Variants in CDH2 observed in about 807,000 individuals in gnomAD.
CDH2 encodes the protein cadherin-2.
Under a neutral mutation model 92.0 loss-of-function variants are expected in CDH2, and 17 were observed. That is an observed-to-expected ratio of 0.18 (90% CI 0.13 to 0.28). The LOEUF (loss-of-function observed/expected upper bound fraction) is 0.28, where lower values mean the gene tolerates loss of function less well. Ranked by LOEUF, CDH2 falls within the 10% of genes least tolerant of loss-of-function variation. CDH2 has a pLI of 1.00. For missense variants in CDH2, 862 were observed against 1,133.1 expected (o/e 0.76, Z 3.44); for synonymous variants, 419 against 415.9 (o/e 1.01, Z -0.09).
At chr18:28,067,327 C>T (rs977264065) in intron 2 of CDH2, among the ~76,000 whole-genome samples, 16 of 151,968 alleles carry the variant, frequency 1.1e-4, no homozygotes, top group African/African-American at 2.7e-4. Flanking sequence ...TTTCTTTGCC[C>T]GAAAAGAAAC....
Position 28,130,713 on chromosome 18 carries a change from G to A in CDH2, c.172+16960C>T, listed in dbSNP as rs181099987. On this transcript the variant is annotated intron_variant, in intron 2 of 15. Coordinates refer to ENST00000269141, the MANE Select transcript of CDH2 (RefSeq NM_001792.5). ...GGCTCTGTCCCCAGTGACTGAAGTT[G>A]AAAATTCTGTTACCTCCTTAGGGGC... is the stretch of plus-strand genomic sequence containing the variant. Among the ~76,000 whole-genome samples, 766 of 152,322 alleles carry A rather than the reference G, an allele frequency of 5.0e-3. 12 individuals carry two copies. Among genetic ancestry groups the A allele is most frequent in the African/African-American group, 0.017 (694 of 41,570 alleles).
At chr18:28,152,933 G>C (rs975417257) in intron 1 of CDH2, among the ~76,000 whole-genome samples, 5 of 152,170 alleles carry the variant, frequency 3.3e-5, no homozygotes, top group African/African-American at 1.2e-4. Context: ...GGACTCACTG[G>C]GGGAGGGAGG....
chr18:28,156,488 A>ATGTCACCTTCCCAGGTACAGC (rs1568020468), intron 1 of CDH2, among the ~76,000 whole-genome samples: 45 of 63,232 alleles, frequency 7.1e-4, no homozygotes, highest in Admixed American at 1.0e-3. Flanking sequence ...CCAGGTACAG[A>ATGTCACCTTCCCAGGTACAGC]ATGTCACCTT....
intron 2 of CDH2, among the ~76,000 whole-genome samples, chr18:28,034,398 C>T (rs547587699): frequency 6.6e-6 from 1 of 151,992 alleles, no homozygotes; most frequent in African/African-American, 2.4e-5. Context: ...AAAGCAAAGG[C>T]GAAAACCTAC....
chr18:28,173,930 G>T (rs1285093529), intron 1 of CDH2, among the ~76,000 whole-genome samples: 2 of 152,090 alleles, frequency 1.3e-5, no homozygotes, highest in Non-Finnish European at 2.9e-5. Flanking sequence ...CAGGTAAGCT[G>T]AATGCTCAAA....
At chr18:27,998,249 A>T (rs1267322391) in intron 7 of CDH2, among the ~76,000 whole-genome samples, 1 of 152,220 alleles carries the variant, frequency 6.6e-6, no homozygotes, top group East Asian at 1.9e-4. Context: ...TGATTTAAAA[A>T]CAAAAAACAA....
At chr18:28,124,002 AAGTG>A (rs1229339456) in intron 2 of CDH2, among the ~76,000 whole-genome samples, 1 of 152,208 alleles carries the variant, frequency 6.6e-6, no homozygotes, top group Non-Finnish European at 1.5e-5. Flanking sequence ...ATGTAGTAAC[AAGTG>A]AAAGGTAAAA....
chr18:28,095,876 T>C (rs1265292766), intron 2 of CDH2, among the ~76,000 whole-genome samples: 1 of 141,998 alleles, frequency 7.0e-6, no homozygotes, highest in African/African-American at 2.6e-5. Flanking sequence ...TCAATGGAAA[T>C]GGAGAATACA....
intron 2 of CDH2, among the ~76,000 whole-genome samples, chr18:28,020,402 T>A (rs2013377009): frequency 6.6e-6 from 1 of 151,978 alleles, no homozygotes; most frequent in African/African-American, 2.4e-5. Flanking sequence ...AGGGAGAAGA[T>A]ATACATGGGA....
chr18:28,088,639 CACCTCCCAAAGGAGGTGG>C (rs1219222058), intron 2 of CDH2, among the ~76,000 whole-genome samples: 4 of 152,228 alleles, frequency 2.6e-5, no homozygotes, highest in Non-Finnish European at 2.9e-5. Flanking sequence ...GTGAGCTAGG[CACCTCCCAAAGGAGGTGG>C]ACAGAGGAAG....
intron 2 of CDH2, chr18:28,036,323 A>G: frequency 1.6e-6 from 1 of 621,306 alleles, no homozygotes; most frequent in Non-Finnish European, 2.8e-6. Flanking sequence ...GTTTGATTTT[A>G]GGTTAACAGA....
At chr18:27,936,981 A>G (rs1909034716) in intron 6 of CDH2, among the ~76,000 whole-genome samples, 2 of 152,224 alleles carry the variant, frequency 1.3e-5, no homozygotes, top group Non-Finnish European at 2.9e-5. Flanking sequence ...AGTAATGCCA[A>G]CTGAATGTGC....
At chr18:28,026,991 C>T (rs1209002949) in intron 2 of CDH2, among the ~76,000 whole-genome samples, 3 of 152,100 alleles carry the variant, frequency 2.0e-5, no homozygotes, top group African/African-American at 7.2e-5. Flanking sequence ...TTGATGCCCT[C>T]CTCCCCTGCA....
intron 2 of CDH2, among the ~76,000 whole-genome samples, chr18:28,034,014 C>T (rs1041148144): frequency 2.6e-5 from 4 of 151,980 alleles, no homozygotes; most frequent in African/African-American, 9.7e-5. Flanking sequence ...ATATACTATA[C>T]TTTTCTTTAA....
At chr18:27,989,828 A>AT (rs1026131893) in intron 10 of CDH2, among the ~76,000 whole-genome samples, 19 of 152,274 alleles carry the variant, frequency 1.2e-4, no homozygotes, top group African/African-American at 4.6e-4. Flanking sequence ...ATTTTAAAGT[A>AT]TTTTTTAAGT....
At chr18:28,126,364 A>G (rs1412087408) in intron 2 of CDH2, among the ~76,000 whole-genome samples, 1 of 152,222 alleles carries the variant, frequency 6.6e-6, no homozygotes, top group Non-Finnish European at 1.5e-5. Context: ...AGCTTAAGAA[A>G]GATGGCATAT....
intron 2 of CDH2, among the ~76,000 whole-genome samples, chr18:28,072,198 CTT>C (rs1262991357): frequency 6.6e-6 from 1 of 152,072 alleles, no homozygotes; most frequent in Non-Finnish European, 1.5e-5. Context: ...CTACCTCTCT[CTT>C]GGGTATGGGT....
intron 7 of CDH2, among the ~76,000 whole-genome samples, chr18:28,001,829 T>G (rs1472183400): frequency 6.6e-6 from 1 of 152,248 alleles, no homozygotes; most frequent in Non-Finnish European, 1.5e-5. Flanking sequence ...AATAGTAATG[T>G]TTTCTTCTAT....
At chr18:28,121,595 C>T (rs1256991560) in intron 2 of CDH2, among the ~76,000 whole-genome samples, 1 of 152,134 alleles carries the variant, frequency 6.6e-6, no homozygotes, top group Admixed American at 6.6e-5. Context: ...GATGTCCTCC[C>T]TGTAGCTACC....
Sources: gnomAD v4.1 joint callset for allele counts (sites outside exome capture counted in the v4.1 genomes callset) on GRCh38, gnomAD v4.1.1 for gene constraint, MANE v1.5 for transcripts, NCBI Gene and HGNC (gene_info 2026-07-23, HGNC 2026-07-21) for gene names.